The following GTF2F2 variants were observed in gnomAD, a reference collection of about 807,000 sequenced individuals.
GTF2F2 encodes the protein general transcription factor IIF subunit 2, also known as ATP-dependent helicase GTF2F2.
Under a neutral mutation model 42.2 loss-of-function variants are expected in GTF2F2, and 23 were observed. The ratio of observed to expected loss-of-function variants is 0.55; its 90% CI spans 0.39 to 0.77. The LOEUF (loss-of-function observed/expected upper bound fraction) is 0.77. Among genes scored for constraint, GTF2F2 ranks in the 30% least tolerant of loss-of-function variants. The pLI is 0.00. For synonymous variants in GTF2F2, 105 were observed against 100.8 expected (o/e 1.04, Z -0.25); for missense variants, 261 against 287.2 (o/e 0.91, Z 0.66).
intron 4 of GTF2F2, among the ~76,000 whole-genome samples, chr13:45,174,977 C>T (rs991488311): frequency 3.3e-5 from 5 of 152,290 alleles, no homozygotes; most frequent in East Asian, 3.9e-4. Flanking sequence ...AATCTTACAG[C>T]TCTTTGAAAA....
At chr13:45,220,408 A>G (rs1874059686) in intron 5 of GTF2F2, among the ~76,000 whole-genome samples, 1 of 152,202 alleles carries the variant, frequency 6.6e-6, no homozygotes, top group South Asian at 2.1e-4. Context: ...AATGTAACTA[A>G]TAATTTAGGG....
intron 4 of GTF2F2, among the ~76,000 whole-genome samples, chr13:45,177,557 G>A (rs1871942740): frequency 6.6e-6 from 1 of 152,120 alleles, no homozygotes; most frequent in South Asian, 2.1e-4. Flanking sequence ...CTTAGTAACT[G>A]TCTTGGTTAT....
At chr13:45,225,611 CAA>C (rs35637992) in intron 5 of GTF2F2, among the ~76,000 whole-genome samples, 16 of 65,528 alleles carry the variant, frequency 2.4e-4, no homozygotes, top group Non-Finnish European at 2.0e-4. Flanking sequence ...AGCTCTGTCT[CAA>C]AAAAAAAAAA....
intron 4 of GTF2F2, among the ~76,000 whole-genome samples, chr13:45,196,767 A>G (rs1213985684): frequency 6.6e-6 from 1 of 152,136 alleles, no homozygotes; most frequent in Non-Finnish European, 1.5e-5. Context: ...CTGTCTATAG[A>G]TGTCTTCATG....
chr13:45,204,169 A>G (rs1401294012), intron 4 of GTF2F2, among the ~76,000 whole-genome samples: 1 of 152,170 alleles, frequency 6.6e-6, no homozygotes, highest in African/African-American at 2.4e-5. Flanking sequence ...ATTGACAAGT[A>G]AAATTTGTGT....
intron 7 of GTF2F2, among the ~76,000 whole-genome samples, chr13:45,274,609 A>C (rs780580042): frequency 2.0e-5 from 3 of 152,124 alleles, no homozygotes; most frequent in African/African-American, 7.2e-5. Context: ...GATTACAGGC[A>C]TGAGCCACCA....
intron 4 of GTF2F2, among the ~76,000 whole-genome samples, chr13:45,186,641 T>A (rs1316342206): frequency 6.6e-6 from 1 of 152,198 alleles, no homozygotes; most frequent in Non-Finnish European, 1.5e-5. Flanking sequence ...TAAAAATTTA[T>A]CAAATGCTAT....
intron 6 of GTF2F2, among the ~76,000 whole-genome samples, chr13:45,261,443 A>AAAAC (rs774449019): frequency 9.6e-5 from 14 of 146,426 alleles, no homozygotes; most frequent in Non-Finnish European, 1.2e-4. Context: ...AAAAAAAAAA[A>AAAAC]AGAATAATTT....
chr13:45,244,981 G>A (rs1400782335), intron 5 of GTF2F2, among the ~76,000 whole-genome samples: 2 of 152,102 alleles, frequency 1.3e-5, no homozygotes, highest in Non-Finnish European at 2.9e-5. Context: ...TTTCTTGTCC[G>A]GAGAAATGAG....
chr13:45,210,710 G>GTGAA (rs1294455018), intron 5 of GTF2F2, among the ~76,000 whole-genome samples: 1 of 152,158 alleles, frequency 6.6e-6, no homozygotes, highest in African/African-American at 2.4e-5. Context: ...TATTTGGTGA[G>GTGAA]TGAATGAATG....
rs531048956 is a variant in GTF2F2, at chr13:45,146,384, A to G, written c.141-3386A>G. The stretch of plus-strand genomic sequence containing the variant: ...TAAGGTAATGAGCGCCTGTGGTCCC[A>G]GCCACTCCAGAGGCTGAGGTGGGAG... On this transcript the variant is annotated intron_variant, in intron 2 of 7. Transcript: ENST00000340473. Among the ~76,000 whole-genome samples, 173 of 152,246 alleles carry G rather than the reference A, an allele frequency of 1.1e-3. 1 individual carries two copies. The highest frequency in any genetic ancestry group is 3.9e-3 in the African/African-American group (163 of 41,546).
intron 4 of GTF2F2, among the ~76,000 whole-genome samples, chr13:45,202,488 G>GT (rs1873241904): frequency 6.6e-6 from 1 of 152,102 alleles, no homozygotes; most frequent in Admixed American, 6.5e-5. Flanking sequence ...CAGTACTCTT[G>GT]TATGTTTCTA....
chr13:45,139,402 G>A (rs1401236226), intron 2 of GTF2F2, among the ~76,000 whole-genome samples: 1 of 152,138 alleles, frequency 6.6e-6, no homozygotes, highest in Non-Finnish European at 1.5e-5. Context: ...TTGATGTTTG[G>A]ACTGTGTCCT....
chr13:45,169,325 A>G (rs1172537498), intron 4 of GTF2F2, among the ~76,000 whole-genome samples: 1 of 152,198 alleles, frequency 6.6e-6, no homozygotes, highest in Non-Finnish European at 1.5e-5. Flanking sequence ...GGGGTTGCAC[A>G]TGCACAGAGG....
intron 7 of GTF2F2, among the ~76,000 whole-genome samples, 165 bp from the exon 8 acceptor site, chr13:45,283,277 A>G (rs1387781048): frequency 2.0e-5 from 3 of 152,222 alleles, no homozygotes; most frequent in Non-Finnish European, 4.4e-5. Flanking sequence ...TCGCACATGT[A>G]GAATCAAAAG....
At chr13:45,269,537 G>A (rs947675761) in intron 7 of GTF2F2, among the ~76,000 whole-genome samples, 10 of 152,152 alleles carry the variant, frequency 6.6e-5, no homozygotes, top group East Asian at 1.9e-4. Context: ...AAAAGGATTC[G>A]AGGACATAAG....
At chr13:45,192,636 G>T (rs1183921653) in intron 4 of GTF2F2, among the ~76,000 whole-genome samples, 1 of 152,122 alleles carries the variant, frequency 6.6e-6, no homozygotes, top group Non-Finnish European at 1.5e-5. Context: ...CTCATTTAAA[G>T]TTAAGTTTGT....
intron 5 of GTF2F2, among the ~76,000 whole-genome samples, chr13:45,244,851 T>C (rs1030198988): frequency 2.6e-5 from 4 of 152,186 alleles, no homozygotes; most frequent in African/African-American, 9.7e-5. Flanking sequence ...TTTGTATTTT[T>C]AGTAGAAACG....
chr13:45,139,830 A>G (rs1869832574), intron 2 of GTF2F2, among the ~76,000 whole-genome samples: 1 of 152,172 alleles, frequency 6.6e-6, no homozygotes, highest in South Asian at 2.1e-4. Flanking sequence ...TTAGGTGGGG[A>G]CAAGTACAGT....
Sources: gnomAD v4.1 joint callset for allele counts (sites outside exome capture counted in the v4.1 genomes callset) on GRCh38, gnomAD v4.1.1 for gene constraint, MANE v1.5 for transcripts, NCBI Gene and HGNC (gene_info 2026-07-23, HGNC 2026-07-21) for gene names.